RBFOX1: variants seen among roughly 807,000 people sequenced by gnomAD.
RBFOX1 encodes the protein RNA binding protein fox-1 homolog 1.
A neutral mutation model predicts 57.7 loss-of-function variants in RBFOX1; 8 were observed. The ratio of observed to expected loss-of-function variants is 0.14; its 90% CI spans 0.08 to 0.25. The LOEUF (loss-of-function observed/expected upper bound fraction) is 0.25, where lower values mean the gene tolerates loss of function less well. RBFOX1 is among the 10% of genes least tolerant of loss of function. The probability of loss-of-function intolerance (pLI) is 1.00; values close to 1 mark genes in which losing one functional copy is unlikely to be tolerated. For missense variants in RBFOX1, 611 were observed against 548.5 expected, an observed-to-expected ratio of 1.11 and a Z score of -1.14; for synonymous variants, 326 against 222.4, an observed-to-expected ratio of 1.47 and a Z score of -4.15.
chr16:6,749,439 C>A (rs1396705148), intron 3 of RBFOX1, among the ~76,000 whole-genome samples: 1 of 152,158 alleles, frequency 6.6e-6, no homozygotes, highest in African/African-American at 2.4e-5. Flanking sequence ...GTCACTCAGG[C>A]AATTTATACT....
chr16:6,032,371 T>A (rs2095303198), intron 1 of RBFOX1, among the ~76,000 whole-genome samples: 1 of 37,906 alleles, frequency 2.6e-5, no homozygotes, highest in African/African-American at 1.4e-4. Context: ...ACCCAACTCT[T>A]CTACTTATTA....
chr16:6,386,733 G>A (rs753384683), intron 2 of RBFOX1, among the ~76,000 whole-genome samples: 9 of 152,154 alleles, frequency 5.9e-5, no homozygotes, highest in Non-Finnish European at 8.8e-5. Context: ...AAATGTTTAC[G>A]GTAAATGGAA....
chr16:6,460,684 G>C (rs1342224903), intron 2 of RBFOX1, among the ~76,000 whole-genome samples: 1 of 152,214 alleles, frequency 6.6e-6, no homozygotes, highest in Non-Finnish European at 1.5e-5. Flanking sequence ...GGAAGACAGT[G>C]TGGTGATTCC....
At chr16:6,896,100 C>T (rs141844013) in intron 3 of RBFOX1, among the ~76,000 whole-genome samples, 1 of 152,004 alleles carries the variant, frequency 6.6e-6, no homozygotes, top group South Asian at 2.1e-4. Context: ...TGGTGAAACC[C>T]CATCTCTATT....
chr16:5,532,500 T>A (rs1469851974), intron 2 of RBFOX1, among the ~76,000 whole-genome samples: 1 of 152,194 alleles, frequency 6.6e-6, no homozygotes. Context: ...TATTAAAGTT[T>A]AAGGGGCTGG....
chr16:6,606,474 T>C (rs768289684), intron 2 of RBFOX1, among the ~76,000 whole-genome samples: 3 of 152,170 alleles, frequency 2.0e-5, no homozygotes, highest in Non-Finnish European at 4.4e-5. Flanking sequence ...CACCTAGTTA[T>C]TAAGCCCCAT....
At chr16:7,339,975 C>G (rs1393715953) in intron 4 of RBFOX1, among the ~76,000 whole-genome samples, 1 of 152,188 alleles carries the variant, frequency 6.6e-6, no homozygotes, top group Non-Finnish European at 1.5e-5. Context: ...CAACTCCAAG[C>G]TTACATCTCA....
intron 1 of RBFOX1, among the ~76,000 whole-genome samples, chr16:6,063,132 A>T (rs1218617126): frequency 6.6e-6 from 1 of 152,128 alleles, no homozygotes; most frequent in African/African-American, 2.4e-5. Context: ...GGACACCACC[A>T]CCTAGACTAG....
At position 7,370,020 on chromosome 16, in the gene RBFOX1, C is replaced by G. The variant is rs78361386; in HGVS notation, c.28-148127C>G. Among the ~76,000 whole-genome samples, 114 of 152,288 alleles carry G rather than the reference C, an allele frequency of 7.5e-4. 1 individual carries two copies. The East Asian group carries it at 0.019, about 25-fold the overall frequency. On this transcript the variant is annotated intron_variant, in intron 4 of 15. Coordinates refer to ENST00000550418, the MANE Select transcript of RBFOX1 (RefSeq NM_018723.4). The stretch of plus-strand genomic sequence containing the variant: ...CCAGAATTCATACTTTTTAATTACT[C>G]TAAGTCAGCTTCTGAACCTTGAGAC...
chr16:6,015,765 G>T (rs1426020358), upstream of RBFOX1, among the ~76,000 whole-genome samples: 3 of 152,140 alleles, frequency 2.0e-5, no homozygotes, highest in East Asian at 5.8e-4. Context: ...AGAATGCTTT[G>T]CCTGACCTTC....
chr16:7,143,565 A>G (rs1294072002), intron 4 of RBFOX1, among the ~76,000 whole-genome samples: 2 of 152,164 alleles, frequency 1.3e-5, no homozygotes, highest in African/African-American at 2.4e-5. Flanking sequence ...CCTTGTATTT[A>G]TGGGGTAGCT....
intron 3 of RBFOX1, among the ~76,000 whole-genome samples, chr16:6,887,032 A>G (rs1603636763): frequency 6.6e-6 from 1 of 152,138 alleles, no homozygotes; most frequent in Non-Finnish European, 1.5e-5. Flanking sequence ...TCTTCCATAT[A>G]CTGGTGAGTC....
intron 3 of RBFOX1, among the ~76,000 whole-genome samples, chr16:6,843,225 T>C (rs2093584512): frequency 6.6e-6 from 1 of 152,162 alleles, no homozygotes. Context: ...GAAAATCTCT[T>C]TATTTCTGTG....
At chr16:6,409,128 G>A (rs2093377225) in intron 2 of RBFOX1, among the ~76,000 whole-genome samples, 1 of 152,144 alleles carries the variant, frequency 6.6e-6, no homozygotes, top group Non-Finnish European at 1.5e-5. Flanking sequence ...ACAAATAAAA[G>A]TTTACTGTCT....
intron 2 of RBFOX1, among the ~76,000 whole-genome samples, chr16:6,528,066 A>G (rs528303154): frequency 6.6e-6 from 1 of 152,254 alleles, no homozygotes; most frequent in South Asian, 2.1e-4. Context: ...ACCCTCAAAG[A>G]TCAACAAAAT....
intron 4 of RBFOX1, among the ~76,000 whole-genome samples, chr16:5,886,740 T>C (rs1278982068): frequency 1.3e-5 from 2 of 152,116 alleles, no homozygotes; most frequent in African/African-American, 4.8e-5. Context: ...ATACAAAAAT[T>C]AGCTCTGTGT....
At position 7,407,863 on chromosome 16, in the gene RBFOX1, C is replaced by T. The variant is rs901786770; in HGVS notation, c.28-110284C>T. ...TGGCCCTGGGACCTAATCTGGCCTG[C>T]GGACTATTTTCCTAGACAGAACATT... is the stretch of plus-strand genomic sequence containing the variant. On this transcript the variant is annotated intron_variant, in intron 4 of 15. Transcript: ENST00000550418. Among the ~76,000 whole-genome samples, 5 of 152,070 alleles carry T rather than the reference C, an allele frequency of 3.3e-5. 1 individual carries two copies. The highest frequency in any genetic ancestry group is 1.3e-4 in the Admixed American group (2 of 15,250).
At chr16:6,804,665 G>T (rs1173299076) in intron 3 of RBFOX1, among the ~76,000 whole-genome samples, 1 of 152,152 alleles carries the variant, frequency 6.6e-6, no homozygotes, top group African/African-American at 2.4e-5. Context: ...CATTAGAACA[G>T]CCAACTTTCT....
intron 3 of RBFOX1, among the ~76,000 whole-genome samples, chr16:5,859,474 A>G (rs1023562213): frequency 6.6e-6 from 1 of 152,236 alleles, no homozygotes; most frequent in African/African-American, 2.4e-5. Context: ...TAACTTTCCC[A>G]TGGTAGAGTA....
Sources: gnomAD v4.1 joint callset for allele counts (sites outside exome capture counted in the v4.1 genomes callset) on GRCh38, gnomAD v4.1.1 for gene constraint, MANE v1.5 for transcripts, NCBI Gene and HGNC (gene_info 2026-07-23, HGNC 2026-07-21) for gene names.